The following HMGXB4 variants were observed in gnomAD, a reference collection of about 807,000 sequenced individuals.
HMGXB4 encodes the protein HMG-box containing 4, also known as HMG domain-containing protein 4.
In HMGXB4, 27 loss-of-function variants were observed where a neutral mutation model predicts 63.9. That is an observed-to-expected ratio of 0.42 (90% CI 0.31 to 0.58). The LOEUF (loss-of-function observed/expected upper bound fraction) is 0.58, where lower values mean the gene tolerates loss of function less well. HMGXB4 is among the 20% of genes least tolerant of loss of function. The pLI is 0.13. For synonymous variants in HMGXB4, 264 were observed against 265.3 expected, an observed-to-expected ratio of 0.99 and a Z score of 0.05; for missense variants, 624 against 700.7, an observed-to-expected ratio of 0.89 and a Z score of 1.24.
chr22:35,272,776 G>C (rs1923683792), intron 5 of HMGXB4, among the ~76,000 whole-genome samples: 1 of 151,742 alleles, frequency 6.6e-6, no homozygotes, highest in South Asian at 2.1e-4. Flanking sequence ...TCTACTAAAA[G>C]TACAAAAATT....
chr22:35,267,496 A>T (rs557607476), intron 5 of HMGXB4, among the ~76,000 whole-genome samples: 7 of 152,282 alleles, frequency 4.6e-5, no homozygotes, highest in Admixed American at 2.0e-4. Context: ...AGGCAGAGAG[A>T]TGTTCAGGAA....
upstream of HMGXB4, among the ~76,000 whole-genome samples, chr22:35,255,383 C>T (rs1474809447): frequency 1.3e-5 from 2 of 152,108 alleles, no homozygotes; most frequent in East Asian, 1.9e-4. Flanking sequence ...GGCATGGTGG[C>T]ATGCACCTGT....
At chr22:35,261,435 CAAAA>C (rs35534975) in intron 1 of HMGXB4, among the ~76,000 whole-genome samples, 1 of 125,294 alleles carries the variant, frequency 8.0e-6, no homozygotes, top group Non-Finnish European at 1.6e-5. Context: ...GACTCTATCT[CAAAA>C]AAAAAAAAAA....
In HMGXB4 at chr22:35,287,347, A is replaced by C. The variant is rs745728738; in HGVS notation, c.1363A>C (p.Ile455Leu). ...WKQLPEKDKL[I>L]WKQKAQYLQH... Reference sequence around the variant, plus strand: ...TTAATGTTCACTGATGTGATTGCAGATTTGGAAGCAAAAAGCTCAGTATCT... The same window carrying C: ...TTAATGTTCACTGATGTGATTGCAGCTTTGGAAGCAAAAAGCTCAGTATCT... Residue 455 changes from isoleucine to leucine, a missense_variant and splice_region_variant, in exon 8 of 11, where the codon ATT becomes CTT. Ile to Leu is a conservative substitution (Grantham distance 5). Transcript: ENST00000216106. 6.2e-7 allele frequency: 1 copy of C among 1,611,110 alleles called. No homozygotes were observed. The highest frequency in any genetic ancestry group is 8.5e-7 in the Non-Finnish European group (1 of 1,177,850).
intron 5 of HMGXB4, among the ~76,000 whole-genome samples, chr22:35,281,025 A>G (rs1042577240): frequency 5.9e-5 from 9 of 152,208 alleles, no homozygotes; most frequent in African/African-American, 2.2e-4. Context: ...CCTTATCTGT[A>G]TTCCCAGTGT....
intron 5 of HMGXB4, among the ~76,000 whole-genome samples, chr22:35,267,178 A>AT (rs1479236962): frequency 1.5e-4 from 22 of 148,224 alleles, no homozygotes; most frequent in Admixed American, 2.7e-4. Flanking sequence ...AATATATTAT[A>AT]TATATATACA....
At chr22:35,243,896 C>T in the HMGXB4 span, among the ~76,000 whole-genome samples, 1 of 152,286 alleles carries the variant, frequency 6.6e-6, no homozygotes, top group Admixed American at 6.5e-5. Context: ...TCCTTCTGGC[C>T]TCCATGATTT....
At chr22:35,256,334 G>A (rs935358743), upstream of HMGXB4, among the ~76,000 whole-genome samples, 6 of 152,202 alleles carry the variant, frequency 3.9e-5, no homozygotes, top group Admixed American at 2.0e-4. Flanking sequence ...ATGATTTTAC[G>A]TTGCATGGGG....
the HMGXB4 span, among the ~76,000 whole-genome samples, chr22:35,246,615 T>C: frequency 6.6e-6 from 1 of 152,204 alleles, no homozygotes; most frequent in Non-Finnish European, 1.5e-5. Flanking sequence ...GGTGGCTGGC[T>C]AGAAAGAGCA....
chr22:35,256,052 G>T (rs999511323), upstream of HMGXB4, among the ~76,000 whole-genome samples: 6 of 152,328 alleles, frequency 3.9e-5, no homozygotes, highest in African/African-American at 7.2e-5. Flanking sequence ...TCTCACAGTT[G>T]TAAGAAACAG....
In HMGXB4 at chr22:35,265,107, A is replaced by G. The variant is rs1041394688; in HGVS notation, c.719A>G (p.Glu240Gly). ...CAGGGTGCTTTACTCCTAGGACATG[A>G]GTTACAGAGCTTTCTGAAAACAGCC... ...DEQGALLLGHELQSFLKTARK... is the reference protein window; with the variant it reads ...DEQGALLLGHGLQSFLKTARK... Residue 240 changes from glutamate (E) to glycine (G), a missense_variant, in exon 5 of 11, where the codon GAG (glutamate) becomes GGG (glycine). This residue lies in a region of HMGXB4 where 472 missense variants were observed against 470.6 expected (regional missense o/e 1.00). Transcript: ENST00000216106. 1 of 1,614,072 alleles carries G rather than the reference A, an allele frequency of 6.2e-7. No homozygotes were observed. Among genetic ancestry groups the G allele is most frequent in the African/African-American group, 1.3e-5 (1 of 74,918 alleles).
At position 35,286,059 on chromosome 22, in the gene HMGXB4, C is replaced by T; in HGVS notation, c.1360C>T (p.Leu454=). The stretch of plus-strand genomic sequence containing the variant: ...GAAGCAATTACCAGAAAAAGACAAA[C>T]TGGTAAGTACATTTTCTTACAAACA... ...VWKQLPEKDK[L]IWKQKAQYLQ... The change falls in exon 7 of 11, where the codon CTG becomes TTG. Residue 454 remains leucine, a splice_region_variant and synonymous_variant. Transcript: ENST00000216106. The T allele has an allele frequency of 6.3e-7, 1 of 1,599,890 alleles. No individual in the cohort carries two copies. The highest frequency in any genetic ancestry group is 1.1e-5 in the South Asian group (1 of 88,704).
chr22:35,253,616 C>A (rs200401488), upstream of HMGXB4, among the ~76,000 whole-genome samples: 2 of 106,542 alleles, frequency 1.9e-5, no homozygotes, highest in Admixed American at 1.0e-4. Context: ...CGCGCGCGCG[C>A]GTGTGTGTGT....
chr22:35,245,776 G>C, the HMGXB4 span, among the ~76,000 whole-genome samples: 1 of 152,188 alleles, frequency 6.6e-6, no homozygotes, highest in African/African-American at 2.4e-5. Context: ...ATTGACACCA[G>C]AGGGGGGTTC....
chr22:35,282,488 G>A (rs1484797312), intron 5 of HMGXB4, among the ~76,000 whole-genome samples: 1 of 152,006 alleles, frequency 6.6e-6, no homozygotes, highest in African/African-American at 2.4e-5. Context: ...ATAACTGTAG[G>A]GCCAAAAAGG....
chr22:35,260,492 A>G (rs971472699), intron 1 of HMGXB4, among the ~76,000 whole-genome samples: 1 of 152,248 alleles, frequency 6.6e-6, no homozygotes, highest in Non-Finnish European at 1.5e-5. Flanking sequence ...AGAAAGTGTC[A>G]TCCTTAAATG....
In HMGXB4 at chr22:35,277,375, T is replaced by C. The variant is rs576335146; in HGVS notation, c.1216-6587T>C. Among the ~76,000 whole-genome samples, 173 of 152,324 alleles carry C rather than the reference T, an allele frequency of 1.1e-3. 1 individual carries two copies. The highest frequency in any genetic ancestry group is 4.0e-3 in the African/African-American group (167 of 41,570). ...TGTTTATGTTTTTGTTTTGAGACAC[T>C]TTTACTCATGTTGCCCAGGCTGGAG... On this transcript the variant is annotated intron_variant, in intron 5 of 10. Coordinates refer to ENST00000216106, the MANE Select transcript of HMGXB4 (RefSeq NM_001003681.3).
At chr22:35,293,541 A>G in intron 10 of HMGXB4, 66 bp from the exon 11 acceptor site, 3 of 1,078,156 alleles carry the variant, frequency 2.8e-6, no homozygotes, top group South Asian at 1.3e-5. Context: ...TCCTTGAACA[A>G]AGAAACATCT....
the HMGXB4 span, among the ~76,000 whole-genome samples, chr22:35,251,023 G>C: frequency 2.6e-5 from 4 of 152,012 alleles, no homozygotes; most frequent in Non-Finnish European, 4.4e-5. Flanking sequence ...GACAATGGGG[G>C]ATGGACTGGG....
Sources: gnomAD v4.1 joint callset for allele counts (sites outside exome capture counted in the v4.1 genomes callset) on GRCh38, gnomAD v4.1.1 for gene constraint, gnomAD v4.1.1 regional missense constraint, MANE v1.5 for transcripts, NCBI Gene and HGNC (gene_info 2026-07-23, HGNC 2026-07-21) for gene names.